SLCO2A1: variants seen among roughly 807,000 people sequenced by gnomAD.
The protein encoded by SLCO2A1 is matrin F/G 1.
SLCO2A1 carries 60 observed loss-of-function variants against 71.7 expected under a neutral mutation model. The observed-to-expected ratio is 0.84, with a 90% confidence interval of 0.68 to 1.04. The LOEUF (loss-of-function observed/expected upper bound fraction) is 1.04. Ranked by LOEUF, SLCO2A1 falls within the 50% of genes least tolerant of loss-of-function variation. SLCO2A1 has a pLI of 0.00. For missense variants in SLCO2A1, 745 were observed against 813.4 expected, an observed-to-expected ratio of 0.92 and a Z score of 1.02; for synonymous variants, 308 against 326.7, an observed-to-expected ratio of 0.94 and a Z score of 0.62.
At chr3:134,022,805 A>G (rs193030687) in intron 1 of SLCO2A1, among the ~76,000 whole-genome samples, 1 of 152,358 alleles carries the variant, frequency 6.6e-6, no homozygotes, top group Admixed American at 6.5e-5. Flanking sequence ...CTTTGGTTTA[A>G]AAACTAATAA....
intron 3 of SLCO2A1, among the ~76,000 whole-genome samples, chr3:133,964,977 C>G (rs143903133): frequency 1.3e-5 from 2 of 152,308 alleles, no homozygotes; most frequent in African/African-American, 4.8e-5. Context: ...GAAGACATAC[C>G]TGAGGGAGCA....
chr3:133,940,129 G>A (rs968120909), intron 11 of SLCO2A1, among the ~76,000 whole-genome samples: 4 of 151,922 alleles, frequency 2.6e-5, no homozygotes, highest in African/African-American at 9.7e-5. Flanking sequence ...CACCATGCCC[G>A]GCTAACTTTT....
chr3:134,029,786 T>C lies in SLCO2A1; in HGVS notation c.17A>G (p.Lys6Arg). 6.5e-7 allele frequency: 1 copy of C among 1,534,802 alleles called. No homozygotes were observed. Among genetic ancestry groups the C allele is most frequent in the South Asian group, 1.2e-5 (1 of 81,996 alleles). The change falls in exon 1 of 14, where the codon AAG becomes AGG. Residue 6 changes from lysine (K) to arginine (R), a missense_variant. By Grantham distance (26) the Lys-to-Arg change is conservative (BLOSUM62 2). Transcript: ENST00000310926. ...GTCGCTGCCCTGGGACGCGCCGAGC[T>C]TGGGCAGGAGCCCCATGGCTGCGGG... MGLLP[K>R]LGASQGSDTS...
At chr3:134,024,107 C>A (rs184207548) in intron 1 of SLCO2A1, among the ~76,000 whole-genome samples, 19 of 152,292 alleles carry the variant, frequency 1.2e-4, no homozygotes, top group Admixed American at 7.2e-4. Flanking sequence ...CTTGTTCATC[C>A]CCGAGCAGAT....
At chr3:134,027,640 T>C (rs1358953560) in intron 1 of SLCO2A1, among the ~76,000 whole-genome samples, 1 of 152,222 alleles carries the variant, frequency 6.6e-6, no homozygotes, top group Non-Finnish European at 1.5e-5. Flanking sequence ...CTCGTCCTGC[T>C]ACACCACCAT....
At chr3:134,027,911 A>G (rs1463574351) in intron 1 of SLCO2A1, among the ~76,000 whole-genome samples, 2 of 152,240 alleles carry the variant, frequency 1.3e-5, no homozygotes, top group Non-Finnish European at 2.9e-5. Context: ...TGCAATTAGT[A>G]TGGATCAAAG....
intron 3 of SLCO2A1, among the ~76,000 whole-genome samples, chr3:133,956,937 C>T (rs1933912940): frequency 6.6e-6 from 1 of 152,098 alleles, no homozygotes; most frequent in Non-Finnish European, 1.5e-5. Flanking sequence ...TGTAATTTGT[C>T]TGGAATGAAC....
intron 13 of SLCO2A1, among the ~76,000 whole-genome samples, chr3:133,935,153 G>A (rs1366522166): frequency 2.0e-5 from 3 of 152,118 alleles, no homozygotes; most frequent in African/African-American, 7.2e-5. Flanking sequence ...AAGGAGAGAG[G>A]CATCTTCTCA....
chr3:134,015,145 T>C (rs1009309319), intron 1 of SLCO2A1, among the ~76,000 whole-genome samples: 37 of 152,244 alleles, frequency 2.4e-4, no homozygotes, highest in Admixed American at 1.0e-3. Flanking sequence ...ACTTCAGGAC[T>C]TGCTCTACAT....
chr3:133,953,181 C>A (rs35359950), intron 5 of SLCO2A1, among the ~76,000 whole-genome samples: 59,455 of 151,878 alleles, frequency 0.39, 11,998 homozygotes, highest in African/African-American at 0.46. Flanking sequence ...GGACTACAGG[C>A]ATCTGCCACC....
At chr3:134,025,894 T>C (rs1266376275) in intron 1 of SLCO2A1, among the ~76,000 whole-genome samples, 1 of 152,228 alleles carries the variant, frequency 6.6e-6, no homozygotes, top group Non-Finnish European at 1.5e-5. Context: ...TTTCAAACTT[T>C]CTATGATGAA....
At chr3:134,020,012 T>A (rs1935537860) in intron 1 of SLCO2A1, among the ~76,000 whole-genome samples, 1 of 152,052 alleles carries the variant, frequency 6.6e-6, no homozygotes, top group Non-Finnish European at 1.5e-5. Context: ...TCGTTAAAGA[T>A]CGACCCCTGA....
intron 1 of SLCO2A1, among the ~76,000 whole-genome samples, chr3:133,993,391 T>C (rs969171833): frequency 7.2e-5 from 11 of 152,214 alleles, no homozygotes; most frequent in Admixed American, 4.6e-4. Context: ...AGTGGTGAGG[T>C]CTGTGAAAGA....
chr3:134,015,841 AC>A (rs1935440308), intron 1 of SLCO2A1, among the ~76,000 whole-genome samples: 1 of 152,040 alleles, frequency 6.6e-6, no homozygotes, highest in African/African-American at 2.4e-5. Context: ...AAACAACGAA[AC>A]AAAATAAAAA....
chr3:134,009,411 A>G (rs1338972164), intron 1 of SLCO2A1, among the ~76,000 whole-genome samples: 1 of 152,202 alleles, frequency 6.6e-6, no homozygotes, highest in African/African-American at 2.4e-5. Context: ...AATGATTTGC[A>G]TGTATTTTAT....
At chr3:133,975,834 C>A (rs1001105944) in intron 2 of SLCO2A1, among the ~76,000 whole-genome samples, 1 of 152,190 alleles carries the variant, frequency 6.6e-6, no homozygotes, top group Non-Finnish European at 1.5e-5. Context: ...TTTCTCTGAC[C>A]TCGTCATTTA....
At chr3:133,952,023 T>C (rs1004541536) in intron 5 of SLCO2A1, among the ~76,000 whole-genome samples, 1 of 152,206 alleles carries the variant, frequency 6.6e-6, no homozygotes, top group Non-Finnish European at 1.5e-5. Flanking sequence ...AAGTCTGCCA[T>C]TGTGTTTCTC....
chr3:133,995,933 T>A (rs1440178268), intron 1 of SLCO2A1, among the ~76,000 whole-genome samples: 1 of 142,640 alleles, frequency 7.0e-6, no homozygotes, highest in African/African-American at 2.5e-5. Context: ...GCAGGAATAG[T>A]AAGTTATTCA....
chr3:133,956,581 C>A (rs1422330857), intron 3 of SLCO2A1, among the ~76,000 whole-genome samples: 1 of 152,208 alleles, frequency 6.6e-6, no homozygotes, highest in African/African-American at 2.4e-5. Flanking sequence ...TGGCAAGCAG[C>A]CAGGGACTGT....
Sources: allele counts gnomAD v4.1 joint callset (sites outside exome capture counted in the v4.1 genomes callset), GRCh38; gene constraint gnomAD v4.1.1; transcripts MANE v1.5; gene names NCBI Gene and HGNC (gene_info 2026-07-23, HGNC 2026-07-21).